The following CSMD1 variants were observed in gnomAD, a reference collection of about 807,000 sequenced individuals.
CSMD1 encodes the protein CUB and sushi domain-containing protein 1.
A neutral mutation model predicts 417.5 loss-of-function variants in CSMD1; 213 were observed. The ratio of observed to expected loss-of-function variants is 0.51; its 90% CI spans 0.46 to 0.57. The LOEUF (loss-of-function observed/expected upper bound fraction) is 0.57. Among genes scored for constraint, CSMD1 ranks in the 20% least tolerant of loss-of-function variants. The probability of loss-of-function intolerance (pLI) is 0.00; values close to 1 mark genes in which losing one functional copy is unlikely to be tolerated. For synonymous variants in CSMD1, 2,862 were observed against 1,736.8 expected, an observed-to-expected ratio of 1.65 and a Z score of -16.11; for missense variants, 6,923 against 4,529.7, an observed-to-expected ratio of 1.53 and a Z score of -15.17.
At chr8:3,863,341 A>G (rs535512199) in intron 5 of CSMD1, among the ~76,000 whole-genome samples, 11 of 147,366 alleles carry the variant, frequency 7.5e-5, no homozygotes, top group African/African-American at 2.5e-4. Context: ...TGGTTGCAGG[A>G]GTTGAGATCG....
At chr8:3,575,563 T>G (rs73660303) in intron 9 of CSMD1, among the ~76,000 whole-genome samples, 1,698 of 152,244 alleles carry the variant, frequency 0.011, 31 homozygotes, top group African/African-American at 0.039. Context: ...TTTTCAACTT[T>G]AAAAAAGGGT....
chr8:4,373,364 G>A (rs547170007), intron 3 of CSMD1, among the ~76,000 whole-genome samples: 1 of 152,194 alleles, frequency 6.6e-6, no homozygotes. Context: ...GTCACTGTTG[G>A]TTTATTAACT....
Position 3,074,967 on chromosome 8 carries a change from C to T in CSMD1, c.7474+12130G>A, listed in dbSNP as rs148276613. 4.9e-3 allele frequency among the ~76,000 whole-genome samples: 753 copies of T among 152,150 alleles called. 2 individuals carry two copies. Among genetic ancestry groups the T allele is most frequent in the Admixed American group, 0.011 (162 of 15,282 alleles). The stretch of plus-strand genomic sequence containing the variant: ...GAGGGAGGTGATTGGATGATGGGGC[C>T]GGATTTCTCATGAATGGCTTAGCAC... On this transcript the variant is annotated intron_variant, in intron 49 of 69. Transcript: ENST00000635120.
intron 5 of CSMD1, among the ~76,000 whole-genome samples, chr8:3,770,293 C>A (rs146594658): frequency 6.6e-6 from 1 of 151,936 alleles, no homozygotes; most frequent in Non-Finnish European, 1.5e-5. Flanking sequence ...TTTGGGAGGC[C>A]GAGGGCGGGG....
At chr8:4,786,139 G>C (rs1265683570) in intron 1 of CSMD1, among the ~76,000 whole-genome samples, 1 of 152,160 alleles carries the variant, frequency 6.6e-6, no homozygotes, top group African/African-American at 2.4e-5. Context: ...TCTAAAAATG[G>C]ATTTTAACAG....
intron 1 of CSMD1, among the ~76,000 whole-genome samples, chr8:4,758,745 GA>G (rs767758498): frequency 4.1e-4 from 63 of 152,286 alleles, no homozygotes; most frequent in Middle Eastern, 3.4e-3. Context: ...TGCCATTAAT[GA>G]AACCACCAGA....
At chr8:3,553,311 G>T (rs1433052804) in intron 10 of CSMD1, among the ~76,000 whole-genome samples, 1 of 152,152 alleles carries the variant, frequency 6.6e-6, no homozygotes. Flanking sequence ...AGACATGAGA[G>T]CCAATTTCAG....
chr8:4,223,907 C>A (rs1028605373), intron 3 of CSMD1, among the ~76,000 whole-genome samples: 2 of 152,206 alleles, frequency 1.3e-5, no homozygotes, highest in Non-Finnish European at 2.9e-5. Context: ...ATCACTATTT[C>A]TCTTCCAGAC....
chr8:4,137,157 G>C (rs1361537981), intron 3 of CSMD1, among the ~76,000 whole-genome samples: 1 of 152,258 alleles, frequency 6.6e-6, no homozygotes, highest in African/African-American at 2.4e-5. Context: ...GCTGTAAATA[G>C]GTTATCCATT....
At chr8:3,469,598 G>C (rs1816970061) in intron 11 of CSMD1, among the ~76,000 whole-genome samples, 1 of 152,168 alleles carries the variant, frequency 6.6e-6, no homozygotes, top group South Asian at 2.1e-4. Flanking sequence ...AATAGAAAAA[G>C]TGTAAGAAGA....
intron 3 of CSMD1, among the ~76,000 whole-genome samples, chr8:4,145,365 A>T (rs1478516966): frequency 6.6e-6 from 1 of 151,072 alleles, no homozygotes; most frequent in Non-Finnish European, 1.5e-5. Flanking sequence ...ATCTGGAAAA[A>T]TGTCCCAAAC....
intron 3 of CSMD1, among the ~76,000 whole-genome samples, chr8:4,127,545 A>T: frequency 6.6e-6 from 1 of 151,110 alleles, no homozygotes. Flanking sequence ...TGGTTTTCCT[A>T]GTCAGTTTTC....
intron 13 of CSMD1, among the ~76,000 whole-genome samples, 194 bp from the exon 14 acceptor site, chr8:3,408,419 T>A (rs74560213): frequency 0.018 from 2,807 of 152,272 alleles, 88 homozygotes; most frequent in African/African-American, 0.065. Flanking sequence ...TATTTCATTA[T>A]CATATAGAGC....
chr8:3,941,196 T>G (rs189115369), intron 5 of CSMD1, among the ~76,000 whole-genome samples: 2 of 152,110 alleles, frequency 1.3e-5, no homozygotes, highest in Non-Finnish European at 2.9e-5. Flanking sequence ...AAAATTTAAA[T>G]TGTGCTAGAG....
chr8:3,917,377 G>T (rs966612136), intron 5 of CSMD1, among the ~76,000 whole-genome samples: 3 of 151,564 alleles, frequency 2.0e-5, no homozygotes, highest in Non-Finnish European at 4.4e-5. Context: ...TCACCGCACT[G>T]CTTCCCTCTA....
chr8:4,444,067 C>A (rs1005747990), intron 2 of CSMD1, among the ~76,000 whole-genome samples: 3 of 151,998 alleles, frequency 2.0e-5, no homozygotes, highest in African/African-American at 7.3e-5. Flanking sequence ...GGTGGCCTGG[C>A]ACAGTAGCTC....
intron 10 of CSMD1, among the ~76,000 whole-genome samples, chr8:3,545,737 T>C (rs1272611372): frequency 6.6e-6 from 1 of 152,206 alleles, no homozygotes; most frequent in Non-Finnish European, 1.5e-5. Context: ...TGCTGATTAT[T>C]TTAAAGGGCT....
chr8:4,132,997 G>A (rs936388274), intron 3 of CSMD1, among the ~76,000 whole-genome samples: 7 of 152,058 alleles, frequency 4.6e-5, no homozygotes, highest in African/African-American at 1.4e-4. Context: ...GCAGTGGCGC[G>A]ATCTCGGCTC....
intron 41 of CSMD1, among the ~76,000 whole-genome samples, chr8:3,140,945 G>A (rs368795407): frequency 6.6e-6 from 1 of 152,214 alleles, no homozygotes; most frequent in African/African-American, 2.4e-5. Flanking sequence ...CTCTTTTTGT[G>A]GTGAAAGTTG....
Sources: gnomAD v4.1 joint callset for allele counts (sites outside exome capture counted in the v4.1 genomes callset) on GRCh38, gnomAD v4.1.1 for gene constraint, MANE v1.5 for transcripts, NCBI Gene and HGNC (gene_info 2026-07-23, HGNC 2026-07-21) for gene names.